Variants in EIF2B3 observed in about 807,000 individuals in gnomAD.
The protein encoded by EIF2B3 is eukaryotic translation initiation factor 2B subunit gamma, also known as translation initiation factor eIF2B subunit gamma.
Under a neutral mutation model 54.1 loss-of-function variants are expected in EIF2B3, and 20 were observed. That is an observed-to-expected ratio of 0.37 (90% confidence interval 0.26 to 0.54). The LOEUF (loss-of-function observed/expected upper bound fraction) is 0.54. Ranked by LOEUF, EIF2B3 falls within the 20% of genes least tolerant of loss-of-function variation. The pLI is 0.86. For missense variants in EIF2B3, 448 were observed against 547.8 expected (o/e 0.82, Z 1.82); for synonymous variants, 153 against 188.1 (o/e 0.81, Z 1.52).
chr1:44,955,446 T>C (rs558152249), intron 3 of EIF2B3, among the ~76,000 whole-genome samples: 7 of 152,202 alleles, frequency 4.6e-5, no homozygotes, highest in African/African-American at 7.2e-5. Flanking sequence ...ATTCAGGAGA[T>C]AGGCATGGGC....
At chr1:44,888,699 C>T (rs1655689133) in intron 6 of EIF2B3, among the ~76,000 whole-genome samples, 1 of 152,202 alleles carries the variant, frequency 6.6e-6, no homozygotes, top group African/African-American at 2.4e-5. Context: ...CCATAAACTG[C>T]TCAAGACGGC....
chr1:44,902,669 G>T (rs1312177847), intron 5 of EIF2B3, among the ~76,000 whole-genome samples: 2 of 151,146 alleles, frequency 1.3e-5, no homozygotes, highest in African/African-American at 4.9e-5. Context: ...AAAAAATAAA[G>T]AAAGAAAAAC....
intron 8 of EIF2B3, among the ~76,000 whole-genome samples, chr1:44,877,622 G>A (rs182515854): frequency 6.6e-6 from 1 of 152,252 alleles, no homozygotes; most frequent in African/African-American, 2.4e-5. Flanking sequence ...ACCCTGAGAA[G>A]GCATCTATCC....
At chr1:44,898,690 C>T (rs902469693) in intron 5 of EIF2B3, among the ~76,000 whole-genome samples, 2 of 151,966 alleles carry the variant, frequency 1.3e-5, no homozygotes, top group African/African-American at 4.8e-5. Flanking sequence ...TTTATGTTTA[C>T]TTTTAGAGAC....
intron 5 of EIF2B3, among the ~76,000 whole-genome samples, chr1:44,910,643 TTTTTTTTTTTTTTTA>T (rs1239711384): frequency 1.7e-5 from 2 of 118,680 alleles, no homozygotes; most frequent in Admixed American, 8.5e-5. Context: ...TTTTTTTTTT[TTTTTTTTTTTTTTTA>T]AAAGAGAGAA....
intron 5 of EIF2B3, among the ~76,000 whole-genome samples, chr1:44,917,221 C>G (rs984071661): frequency 5.3e-5 from 8 of 152,028 alleles, no homozygotes; most frequent in Admixed American, 2.0e-4. Flanking sequence ...GTGCCAGGTG[C>G]GGTGGCTCAC....
In EIF2B3 at chr1:44,888,392, G is replaced by A. The variant is rs189649924; in HGVS notation, c.657-6653C>T. On this transcript the variant is annotated intron_variant, in intron 6 of 11. Transcript: ENST00000360403. ...TGTGGCAAGCAGGGTCGCTAGGGCCGCTCAGGGAAGGGGAACCCAGAAACG... is the reference window on the plus strand; with the variant it reads ...TGTGGCAAGCAGGGTCGCTAGGGCCACTCAGGGAAGGGGAACCCAGAAACG... 1.5e-3 allele frequency among the ~76,000 whole-genome samples: 225 copies of A among 152,184 alleles called. No individual in the cohort carries two copies. The Middle Eastern group carries it at 0.031, about 21-fold the overall frequency.
At chr1:44,957,717 C>T (rs898116983) in intron 3 of EIF2B3, among the ~76,000 whole-genome samples, 1 of 151,940 alleles carries the variant, frequency 6.6e-6, no homozygotes, top group Admixed American at 6.6e-5. Context: ...GCTGAGATTG[C>T]GCCATTGCAT....
intron 7 of EIF2B3, among the ~76,000 whole-genome samples, chr1:44,880,573 C>T (rs1256287173): frequency 1.3e-5 from 2 of 152,102 alleles, no homozygotes; most frequent in Non-Finnish European, 2.9e-5. Flanking sequence ...CCCAGAGTAC[C>T]AGGGCTCTAG....
At chr1:44,926,766 T>A in intron 4 of EIF2B3, 27 bp from the exon 5 acceptor site, 4 of 1,572,956 alleles carry the variant, frequency 2.5e-6, no homozygotes, top group Non-Finnish European at 3.5e-6. Flanking sequence ...AAAAAAAAAA[T>A]CAAATAAAGC....
chr1:44,909,597 A>C (rs569110746), intron 5 of EIF2B3, among the ~76,000 whole-genome samples: 7 of 152,318 alleles, frequency 4.6e-5, no homozygotes, highest in Admixed American at 4.6e-4. Flanking sequence ...CCAGCTCCAA[A>C]GCAAAGACTT....
intron 3 of EIF2B3, chr1:44,959,032 A>G: frequency 1.4e-6 from 1 of 738,220 alleles, no homozygotes; most frequent in Non-Finnish European, 2.4e-6. Context: ...AAGTTCAGTG[A>G]CATCTGAGAA....
chr1:44,941,356 CTG>C (rs1181557795), intron 4 of EIF2B3, 148 bp downstream of exon 4: 2 of 860,146 alleles, frequency 2.3e-6, no homozygotes, highest in Non-Finnish European at 3.5e-6. Context: ...CATTCAGGGA[CTG>C]TGTCTTATTT....
intron 5 of EIF2B3, among the ~76,000 whole-genome samples, chr1:44,923,773 C>G (rs1360033715): frequency 2.0e-5 from 3 of 150,706 alleles, no homozygotes; most frequent in Middle Eastern, 3.4e-3. Flanking sequence ...TCCTCCCTTC[C>G]TTCCTCCCTC....
intron 1 of EIF2B3, among the ~76,000 whole-genome samples, chr1:44,981,960 A>AAG (rs1557717113): frequency 8.6e-5 from 13 of 151,182 alleles, no homozygotes; most frequent in Admixed American, 6.0e-4. Flanking sequence ...AAAAAAAAAA[A>AAG]AGAGAGAAAA....
intron 3 of EIF2B3, among the ~76,000 whole-genome samples, chr1:44,953,754 C>G (rs1209126636): frequency 6.6e-6 from 1 of 152,198 alleles, no homozygotes; most frequent in Non-Finnish European, 1.5e-5. Context: ...GATCACATCA[C>G]TGCACTTCAG....
In EIF2B3 at chr1:44,880,001, G is replaced by A; in HGVS notation, c.792C>T (p.Tyr264=). The A allele has an allele frequency of 1.4e-5, 23 of 1,614,182 alleles. No individual in the cohort carries two copies. Among genetic ancestry groups the A allele is most frequent in the Non-Finnish European group, 1.9e-5 (23 of 1,180,018 alleles). The stretch of plus-strand genomic sequence containing the variant: ...GTGTATTGGCTTCTTTTATAAAACT[G>A]TAGATATCTTCAGAACAAACACCCA... ...KKKELKSLDI[Y]SFIKEANTLN... The change falls in exon 8 of 12, where the codon TAC becomes TAT. Residue 264 remains tyrosine (Y), a synonymous_variant. Transcript: ENST00000360403.
chr1:44,956,507 A>C (rs1644227813), intron 3 of EIF2B3, among the ~76,000 whole-genome samples: 1 of 152,124 alleles, frequency 6.6e-6, no homozygotes, highest in Non-Finnish European at 1.5e-5. Flanking sequence ...ATCAATAGAA[A>C]CCACTAATAA....
chr1:44,898,941 C>T (rs1217420208), intron 5 of EIF2B3, among the ~76,000 whole-genome samples: 1 of 152,114 alleles, frequency 6.6e-6, no homozygotes, highest in Non-Finnish European at 1.5e-5. Context: ...ATCCCCCTAC[C>T]TCAGCCTCCC....
Sources: gnomAD v4.1 joint callset for allele counts (sites outside exome capture counted in the v4.1 genomes callset) on GRCh38, gnomAD v4.1.1 for gene constraint, MANE v1.5 for transcripts, NCBI Gene and HGNC (gene_info 2026-07-23, HGNC 2026-07-21) for gene names.